Variants in EYS observed in about 807,000 individuals in gnomAD.
EYS encodes EGF-like photoreceptor maintenance factor, also known as protein eyes shut homolog.
Under a neutral mutation model 282.1 loss-of-function variants are expected in EYS, and 250 were observed. That is an observed-to-expected ratio of 0.89 (90% CI 0.80 to 0.98). The LOEUF is 0.98. Among genes scored for constraint, EYS ranks in the 50% least tolerant of loss-of-function variants. The pLI, the probability that EYS is intolerant of heterozygous loss-of-function variation, is 0.00. For synonymous variants in EYS, 1,355 were observed against 1,282.9 expected (o/e 1.06, Z -1.20); for missense variants, 4,016 against 3,709.0 (o/e 1.08, Z -2.15).
chr6:65,687,687 CG>C (rs1012240698), intron 1 of EYS, among the ~76,000 whole-genome samples: 1 of 152,058 alleles, frequency 6.6e-6, no homozygotes, highest in African/African-American at 2.4e-5. Flanking sequence ...AAAACCCCAT[CG>C]TCTCAGCCCA....
At chr6:64,275,480 C>T (rs1377734166) in intron 30 of EYS, among the ~76,000 whole-genome samples, 2 of 139,304 alleles carry the variant, frequency 1.4e-5, no homozygotes, top group Non-Finnish European at 3.0e-5. Flanking sequence ...GACGGAGTCT[C>T]GCTCTGTCAC....
chr6:64,815,602 T>A (rs1764723311), intron 21 of EYS, among the ~76,000 whole-genome samples: 1 of 152,124 alleles, frequency 6.6e-6, no homozygotes, highest in South Asian at 2.1e-4. Flanking sequence ...AAAGGATGCC[T>A]TTCGTTTTGT....
intron 35 of EYS, among the ~76,000 whole-genome samples, chr6:63,965,888 T>C (rs879541317): frequency 2.6e-5 from 4 of 152,142 alleles, no homozygotes; most frequent in Non-Finnish European, 4.4e-5. Flanking sequence ...CATTTTACCA[T>C]CAAATTGTCG....
chr6:65,699,337 A>G (rs1769570900), intron 1 of EYS, among the ~76,000 whole-genome samples: 1 of 152,168 alleles, frequency 6.6e-6, no homozygotes, highest in South Asian at 2.1e-4. Flanking sequence ...ATATAATTGA[A>G]AATTGAAACT....
At chr6:65,630,892 C>T (rs1225941700) in intron 2 of EYS, among the ~76,000 whole-genome samples, 1 of 152,108 alleles carries the variant, frequency 6.6e-6, no homozygotes, top group Non-Finnish European at 1.5e-5. Flanking sequence ...TTGTTAACAA[C>T]CGTATTGTTT....
intron 35 of EYS, among the ~76,000 whole-genome samples, chr6:63,897,759 G>T (rs148055192): frequency 9.2e-4 from 140 of 152,300 alleles, no homozygotes; most frequent in African/African-American, 3.2e-3. Context: ...AAGACAAATA[G>T]AAAACTGGCC....
At chr6:64,576,617 G>T (rs1765889533) in intron 26 of EYS, among the ~76,000 whole-genome samples, 1 of 151,948 alleles carries the variant, frequency 6.6e-6, no homozygotes, top group Non-Finnish European at 1.5e-5. Flanking sequence ...ATTTATTCAT[G>T]AAATTTTTGT....
intron 22 of EYS, among the ~76,000 whole-genome samples, chr6:64,806,539 G>GA (rs2150011522): frequency 6.6e-6 from 1 of 152,008 alleles, no homozygotes; most frequent in South Asian, 2.1e-4. Context: ...AAAGAAACTT[G>GA]AAAATGTCAG....
At chr6:65,418,740 A>C (rs1767338469) in intron 5 of EYS, among the ~76,000 whole-genome samples, 1 of 151,918 alleles carries the variant, frequency 6.6e-6, no homozygotes, top group African/African-American at 2.4e-5. Context: ...AACGTAGAGG[A>C]TGGGTCAATA....
intron 30 of EYS, among the ~76,000 whole-genome samples, chr6:64,277,444 TA>T (rs1768154374): frequency 6.6e-6 from 1 of 152,096 alleles, no homozygotes; most frequent in Admixed American, 6.5e-5. Flanking sequence ...AAGATAAACC[TA>T]AACCTGTAAG....
intron 27 of EYS, among the ~76,000 whole-genome samples, chr6:64,437,562 G>A (rs1222506746): frequency 2.6e-5 from 4 of 151,616 alleles, no homozygotes; most frequent in African/African-American, 7.3e-5. Flanking sequence ...CATGTGCTTT[G>A]TGCTAAAATC....
At chr6:63,841,609 A>C (rs188460383) in intron 36 of EYS, among the ~76,000 whole-genome samples, 1 of 151,880 alleles carries the variant, frequency 6.6e-6, no homozygotes, top group Non-Finnish European at 1.5e-5. Context: ...TTCACCTTTT[A>C]TTTTATTTTT....
At chr6:65,049,955 A>G (rs1273986366) in intron 13 of EYS, among the ~76,000 whole-genome samples, 1 of 151,662 alleles carries the variant, frequency 6.6e-6, no homozygotes, top group Non-Finnish European at 1.5e-5. Flanking sequence ...TTCACTTGAT[A>G]TGCTAACTTT....
intron 22 of EYS, among the ~76,000 whole-genome samples, chr6:64,649,119 C>T (rs1357241404): frequency 6.6e-6 from 1 of 152,030 alleles, no homozygotes; most frequent in Non-Finnish European, 1.5e-5. Context: ...AGTATACAAG[C>T]ATTTTTTTGC....
chr6:64,215,175 G>T (rs1028594014), intron 31 of EYS, among the ~76,000 whole-genome samples: 1 of 151,776 alleles, frequency 6.6e-6, no homozygotes, highest in African/African-American at 2.4e-5. Context: ...TGAAAATGAA[G>T]GATTGTTTTC....
chr6:65,139,980 T>C (rs1561986128), intron 12 of EYS, among the ~76,000 whole-genome samples: 1 of 152,042 alleles, frequency 6.6e-6, no homozygotes, highest in East Asian at 1.9e-4. Context: ...TAATACTATA[T>C]CTAAAATGTC....
intron 26 of EYS, among the ~76,000 whole-genome samples, chr6:64,440,203 T>G (rs1389552738): frequency 6.6e-6 from 1 of 152,066 alleles, no homozygotes; most frequent in Non-Finnish European, 1.5e-5. Context: ...CATGTGAGTT[T>G]TAGTTTGCTG....
intron 15 of EYS, among the ~76,000 whole-genome samples, chr6:64,914,668 G>T (rs533573798): frequency 4.2e-4 from 64 of 152,080 alleles, no homozygotes; most frequent in African/African-American, 1.4e-3. Context: ...ATTCTAAATC[G>T]ATATAGTTAC....
chr6:64,591,265 G>C lies in EYS; in HGVS notation c.4602C>G (p.Ser1534Arg). 6.4e-7 allele frequency: 1 copy of C among 1,551,392 alleles called. No individual in the cohort carries two copies. Among genetic ancestry groups the C allele is most frequent in the Non-Finnish European group, 8.7e-7 (1 of 1,146,812 alleles). The stretch of plus-strand genomic sequence containing the variant: ...ATTTGATGTTTGTGAGTCTCTGGTT[G>C]CTTGAAGCCTCAGTAATAGCCTGAT... ...SEYQAITEAS[S>R]NQRLTNIKSQ... The change falls in exon 26 of 43, where the codon AGC becomes AGG. Residue 1534 changes from serine to arginine, a missense_variant. Physicochemically the swap from Ser to Arg is moderately radical, Grantham distance 110. Transcript: ENST00000503581.
Sources: gnomAD v4.1 joint callset for allele counts (sites outside exome capture counted in the v4.1 genomes callset) on GRCh38, gnomAD v4.1.1 for gene constraint, MANE v1.5 for transcripts, NCBI Gene and HGNC (gene_info 2026-07-23, HGNC 2026-07-21) for gene names.